PLEKHB1: variants seen among roughly 807,000 people sequenced by gnomAD.
PLEKHB1 encodes pleckstrin homology domain containing B1.
In PLEKHB1, 29 loss-of-function variants were observed where a neutral mutation model predicts 36.2. The ratio of observed to expected loss-of-function variants is 0.80; its 90% confidence interval spans 0.60 to 1.09. The LOEUF is 1.09. PLEKHB1 is among the 50% of genes least tolerant of loss of function. The pLI is 0.00. For missense variants in PLEKHB1, 330 were observed against 348.2 expected (o/e 0.95, Z 0.42); for synonymous variants, 138 against 140.0 (o/e 0.99, Z 0.10).
intron 1 of PLEKHB1, chr11:73,647,751 A>AG: frequency 1.0e-6 from 1 of 985,258 alleles, no homozygotes; most frequent in Non-Finnish European, 1.2e-6. Flanking sequence ...GGGTGCATCA[A>AG]GGGGAGGGGC....
intron 5 of PLEKHB1, among the ~76,000 whole-genome samples, chr11:73,654,731 C>T (rs1041023589): frequency 1.2e-4 from 18 of 152,268 alleles, no homozygotes; most frequent in African/African-American, 2.6e-4. Context: ...CATATGCATG[C>T]GTCTAAGGGC....
chr11:73,662,247 G>C lies in PLEKHB1; in HGVS notation c.*645G>C, dbSNP rs777824488. 6.6e-6 allele frequency: 1 copy of C among 152,294 alleles called. No individual in the cohort carries two copies. The highest frequency in any genetic ancestry group is 2.4e-5 in the African/African-American group (1 of 41,432). 9.4% of individuals were successfully genotyped at this position (152,294 alleles called of 1,614,324 possible). A position where few individuals can be genotyped will look rare whatever the true frequency, so the allele number is the denominator to read the frequency against. On this transcript the variant is annotated 3_prime_UTR_variant, in exon 8 of 8. Coordinates refer to ENST00000354190, the MANE Select transcript of PLEKHB1 (RefSeq NM_021200.3). The stretch of plus-strand genomic sequence containing the variant: ...AAAGGGGAGATGTGAGCCTTCTCTG[G>C]AGGGAAGTTTCATGATTGCATCTAT...
At chr11:73,655,671 C>T (rs1053664996) in intron 5 of PLEKHB1, 132 bp from the exon 6 acceptor site, 1 of 695,376 alleles carries the variant, frequency 1.4e-6, no homozygotes, top group Admixed American at 2.5e-5. Flanking sequence ...AAAGAGGATG[C>T]TCCCTGCCAC....
chr11:73,651,517 C>T, intron 3 of PLEKHB1: 1 of 626,608 alleles, frequency 1.6e-6, no homozygotes, highest in Admixed American at 2.1e-5. Context: ...GGCCCAGAGT[C>T]ACAGCAAATC....
intron 6 of PLEKHB1, chr11:73,660,379 T>C (rs1217056986): frequency 5.0e-6 from 1 of 199,498 alleles, no homozygotes; most frequent in Non-Finnish European, 1.0e-5. Flanking sequence ...GCCTGGGGCT[T>C]GGCCATGTTC....
In PLEKHB1 at chr11:73,661,066, C is replaced by T; in HGVS notation, c.595+214C>T. The T allele has an allele frequency of 5.0e-6, 3 of 604,140 alleles. No homozygotes were observed. In the South Asian group the frequency reaches 6.0e-5, roughly 12 times the overall value. The allele number at this position is 604,140 out of a possible 1,614,324, so 37.4% of individuals were successfully genotyped here. A position where few individuals can be genotyped will look rare whatever the true frequency, so the allele number is the denominator to read the frequency against. ...AGCTGACCTCACCCTTCTGGGATGG[C>T]TCCTCAGCCCTGCGGTCGGCAATAC... On this transcript the variant is annotated intron_variant, in intron 7 of 7. Coordinates refer to ENST00000354190, the MANE Select transcript of PLEKHB1 (RefSeq NM_021200.3). This position sits in a 1 kb window ranked among gnomAD's most constrained non-coding sequence, Gnocchi z 4.6.
chr11:73,654,323 C>T (rs147515938), intron 5 of PLEKHB1, among the ~76,000 whole-genome samples: 3 of 152,300 alleles, frequency 2.0e-5, no homozygotes, highest in Non-Finnish European at 2.9e-5. Context: ...CTCTGTATGG[C>T]ACAATGGAGC....
At position 73,649,007 on chromosome 11, in the gene PLEKHB1, GACAGGTCCCGCCT is replaced by G; in HGVS notation, c.19-4_27del. ...GGCCTGTGTCTCCCGTGGCTCCTCTGACAGGTCCCGCCTGACTCCGCTCTGGAAAGTCCTTTTG... is the reference window on the plus strand; with the variant it reads ...GGCCTGTGTCTCCCGTGGCTCCTCTGGACTCCGCTCTGGAAAGTCCTTTTG... On this transcript the variant is annotated splice_acceptor_variant and splice_polypyrimidine_tract_variant and coding_sequence_variant and intron_variant, in exon 2 of 8. Transcript: ENST00000354190. LOFTEE classifies it high-confidence loss of function. 1 of 1,588,194 alleles carries G rather than the reference GACAGGTCCCGCCT, an allele frequency of 6.3e-7. No individual in the cohort carries two copies. Among genetic ancestry groups the G allele is most frequent in the Non-Finnish European group, 8.6e-7 (1 of 1,167,380 alleles).
rs771823981 is a variant in PLEKHB1 at position 73,660,766 on chromosome 11, G to C, written c.509G>C (p.Ser170Thr). 8 of 1,596,584 alleles carry C rather than the reference G, an allele frequency of 5.0e-6. No individual in the cohort carries two copies. The South Asian group carries it at 8.0e-5, about 16-fold the overall frequency. The change falls in exon 7 of 8, where the codon AGC becomes ACC. Residue 170 changes from serine to threonine, a missense_variant. Ser to Thr is a moderately conservative substitution (Grantham distance 58). Coordinates refer to ENST00000354190, the MANE Select transcript of PLEKHB1 (RefSeq NM_021200.3). Reference sequence around the variant, plus strand: ...TGGATTCCCCAGGTGCGCGTCTACAGCCCGTACCAAGACTACTACGAGGTG... The same window carrying C: ...TGGATTCCCCAGGTGCGCGTCTACACCCCGTACCAAGACTACTACGAGGTG... ...VERRIWVRVY[S>T]PYQDYYEVVP...
Position 73,648,949 on chromosome 11 carries a change from G to A in PLEKHB1, c.19-63G>A, listed in dbSNP as rs576641014. ...TGGGTGGCTCCCCAGGGACGGCAGG[G>A]CTGGGGGCTTCTCTCCAGGGAGCTG... On this transcript the variant is annotated intron_variant, in intron 1 of 7. Coordinates refer to ENST00000354190, the MANE Select transcript of PLEKHB1 (RefSeq NM_021200.3). 44 of 1,546,952 alleles carry A rather than the reference G, an allele frequency of 2.8e-5. No individual in the cohort carries two copies. In the East Asian group the frequency reaches 1.1e-3, roughly 38 times the overall value.
At chr11:73,653,087 G>C in intron 5 of PLEKHB1, 73 bp downstream of exon 5, 1 of 1,453,100 alleles carries the variant, frequency 6.9e-7, no homozygotes, top group Non-Finnish European at 9.5e-7. Context: ...CTCAGACTCG[G>C]TCTCCACCTG....
intron 3 of PLEKHB1, among the ~76,000 whole-genome samples, chr11:73,651,221 G>C (rs572219061): frequency 5.9e-5 from 9 of 151,902 alleles, no homozygotes; most frequent in Non-Finnish European, 1.3e-4. Context: ...GCCGGGCATG[G>C]TAGTGTGTAC....
rs902481399 is a variant in PLEKHB1, at chr11:73,661,773, G to A, written c.*171G>A. 5 of 795,298 alleles carry A rather than the reference G, an allele frequency of 6.3e-6. No homozygotes were observed. The East Asian group carries it at 1.2e-4, about 19-fold the overall frequency. 49.3% of individuals were successfully genotyped at this position (795,298 alleles called of 1,614,324 possible). ...CTCCCTACCCTTAATCCCCACATGGGAAGAAGCTATCATCACAGGTACAAA... is the reference window on the plus strand; with the variant it reads ...CTCCCTACCCTTAATCCCCACATGGAAAGAAGCTATCATCACAGGTACAAA... On this transcript the variant is annotated 3_prime_UTR_variant, in exon 8 of 8. Transcript: ENST00000354190. The surrounding 1 kb of genome is among the most constrained non-coding windows in gnomAD (Gnocchi z 4.6).
chr11:73,648,943 G>A (rs747439300), intron 1 of PLEKHB1, 69 bp from the exon 2 acceptor site: 100 of 1,536,028 alleles, frequency 6.5e-5, no homozygotes, highest in Non-Finnish European at 8.2e-5. Context: ...CCCCAGGGAC[G>A]GCAGGGCTGG....
intron 4 of PLEKHB1, 130 bp downstream of exon 4, chr11:73,652,020 T>C (rs1179951954): frequency 1.3e-6 from 1 of 768,056 alleles, no homozygotes; most frequent in Non-Finnish European, 2.1e-6. Flanking sequence ...GGGAGTCTTA[T>C]TGGAGGCGGG....
chr11:73,660,585 G>C (rs1172797464), intron 6 of PLEKHB1, 168 bp from the exon 7 acceptor site: 3 of 630,852 alleles, frequency 4.8e-6, no homozygotes, highest in African/African-American at 1.8e-5. Flanking sequence ...TGGACCTTGT[G>C]GGGAGGGCAG....
chr11:73,650,651 C>A lies in PLEKHB1; in HGVS notation c.193C>A (p.Arg65Ser), dbSNP rs745389740. 1 of 1,611,590 alleles carries A rather than the reference C, an allele frequency of 6.2e-7. No individual in the cohort carries two copies. Among genetic ancestry groups the A allele is most frequent in the Non-Finnish European group, 8.5e-7 (1 of 1,178,980 alleles). ...HDETAQDEED[R>S]VLIHFNVRDI... ...TGAGACAGCGCAGGACGAGGAGGACCGTGTGCTCATCCACTTCAATGTCCG... is the reference window on the plus strand; with the variant it reads ...TGAGACAGCGCAGGACGAGGAGGACAGTGTGCTCATCCACTTCAATGTCCG... The change falls in exon 3 of 8, where the codon CGT becomes AGT. Residue 65 changes from arginine to serine, a missense_variant. Transcript: ENST00000354190.
At chr11:73,650,992 T>C (rs2134802388) in intron 3 of PLEKHB1, among the ~76,000 whole-genome samples, 1 of 150,946 alleles carries the variant, frequency 6.6e-6, no homozygotes, top group South Asian at 2.1e-4. Context: ...AGCGAGACCC[T>C]GTCTCTTAAA....
Position 73,661,802 on chromosome 11 carries a change from C to T in PLEKHB1, c.*200C>T. ...AAGCTATCATCACAGGTACAAACATCGCTTGAAGTCTTCACATCTACCACT... is the reference window on the plus strand; with the variant it reads ...AAGCTATCATCACAGGTACAAACATTGCTTGAAGTCTTCACATCTACCACT... On this transcript the variant is annotated 3_prime_UTR_variant, in exon 8 of 8. Transcript: ENST00000354190. The surrounding 1 kb of genome is among the most constrained non-coding windows in gnomAD (Gnocchi z 4.6). 3.2e-6 allele frequency: 2 copies of T among 625,574 alleles called. No individual in the cohort carries two copies. The highest frequency in any genetic ancestry group is 3.2e-5 in the East Asian group (1 of 31,192). 38.8% of individuals were successfully genotyped at this position (625,574 alleles called of 1,614,324 possible). A position where few individuals can be genotyped will look rare whatever the true frequency, so the allele number is the denominator to read the frequency against.
Sources: allele counts gnomAD v4.1 joint callset (sites outside exome capture counted in the v4.1 genomes callset), GRCh38; gene constraint gnomAD v4.1.1; non-coding constraint Gnocchi (gnomAD v3.1); transcripts MANE v1.5; gene names NCBI Gene and HGNC (gene_info 2026-07-23, HGNC 2026-07-21).